The following ABCG2 variants were observed in gnomAD, a reference collection of about 807,000 sequenced individuals.
ABCG2 encodes the protein ATP binding cassette subfamily G member 2 (JR blood group).
A neutral mutation model predicts 73.5 loss-of-function variants in ABCG2; 80 were observed. The observed-to-expected ratio is 1.09, with a 90% CI of 0.91 to 1.31. The LOEUF (loss-of-function observed/expected upper bound fraction) is 1.31. ABCG2 is among the 50% of genes most tolerant of loss of function. The pLI, the probability that ABCG2 is intolerant of heterozygous loss-of-function variation, is 0.00. For missense variants in ABCG2, 796 were observed against 786.2 expected (o/e 1.01, Z -0.15); for synonymous variants, 269 against 282.4 (o/e 0.95, Z 0.48).
At chr4:88,230,422 A>G (rs912507206) in intron 1 of ABCG2, among the ~76,000 whole-genome samples, 7 of 151,324 alleles carry the variant, frequency 4.6e-5, no homozygotes, top group Non-Finnish European at 7.4e-5. Flanking sequence ...CAAAGTGACC[A>G]CCAGCCACAC....
intron 1 of ABCG2, among the ~76,000 whole-genome samples, chr4:88,217,296 G>A (rs1166489521): frequency 6.6e-6 from 1 of 152,198 alleles, no homozygotes; most frequent in African/African-American, 2.4e-5. Flanking sequence ...GGGATACCCT[G>A]CAAGGTTGGG....
chr4:88,162,247 G>C (rs6846742), upstream of ABCG2, among the ~76,000 whole-genome samples: 2,366 of 152,012 alleles, frequency 0.016, 57 homozygotes, highest in African/African-American at 0.053. Context: ...TAGTAACATG[G>C]AATGTCTTTT....
intron 1 of ABCG2, among the ~76,000 whole-genome samples, chr4:88,172,448 C>G (rs997794709): frequency 1.8e-4 from 27 of 151,160 alleles, no homozygotes; most frequent in Admixed American, 7.3e-4. Flanking sequence ...CACAGTGGCA[C>G]CCGCCTGTAA....
chr4:88,174,763 T>C (rs1236253167), intron 1 of ABCG2, among the ~76,000 whole-genome samples: 1 of 152,268 alleles, frequency 6.6e-6, no homozygotes, highest in East Asian at 1.9e-4. Flanking sequence ...TTGGCTTTTG[T>C]TGCAATTGCT....
intron 5 of ABCG2, among the ~76,000 whole-genome samples, chr4:88,122,012 C>A (rs1414047765): frequency 6.6e-6 from 1 of 152,034 alleles, no homozygotes; most frequent in Non-Finnish European, 1.5e-5. Context: ...AAGCCTGATA[C>A]AAAGCACCTC....
At chr4:88,177,168 C>T (rs9631721) in intron 1 of ABCG2, among the ~76,000 whole-genome samples, 1 of 151,790 alleles carries the variant, frequency 6.6e-6, no homozygotes, top group East Asian at 1.9e-4. Context: ...GTCAGGAGAT[C>T]GAGACCATTC....
At chr4:88,217,137 C>A (rs973453145) in intron 1 of ABCG2, among the ~76,000 whole-genome samples, 1 of 151,984 alleles carries the variant, frequency 6.6e-6, no homozygotes, top group South Asian at 2.1e-4. Context: ...CCTTAGTATT[C>A]CATATAATAT....
At chr4:88,111,447 C>T (rs555716120) in intron 9 of ABCG2, among the ~76,000 whole-genome samples, 4 of 152,230 alleles carry the variant, frequency 2.6e-5, no homozygotes, top group Admixed American at 2.0e-4. Context: ...ACTAGGGATA[C>T]AAGCTCTTAG....
chr4:88,125,607 CAAAAAAAAAA>C (rs70957302), intron 5 of ABCG2, among the ~76,000 whole-genome samples: 137 of 34,982 alleles, frequency 3.9e-3, no homozygotes, highest in African/African-American at 0.013. Flanking sequence ...GACTCTGTCT[CAAAAAAAAAA>C]AAAAAAAAAA....
intron 1 of ABCG2, among the ~76,000 whole-genome samples, chr4:88,142,767 T>C (rs1418315070): frequency 6.6e-6 from 1 of 152,040 alleles, no homozygotes; most frequent in Non-Finnish European, 1.5e-5. Flanking sequence ...CACAACATGG[T>C]GAAACCCCAT....
intron 1 of ABCG2, among the ~76,000 whole-genome samples, chr4:88,172,318 C>G (rs961183007): frequency 1.4e-5 from 2 of 146,968 alleles, no homozygotes; most frequent in African/African-American, 5.0e-5. Context: ...ATTGCTGGGC[C>G]TAGTGGCTCA....
intron 6 of ABCG2, 29 bp from the exon 7 acceptor site, chr4:88,118,289 C>A: frequency 2.5e-6 from 4 of 1,606,384 alleles, no homozygotes; most frequent in South Asian, 2.2e-5. Flanking sequence ...AATACTAAGT[C>A]ATTAAATATC....
chr4:88,177,216 C>CA (rs34778170), intron 1 of ABCG2, among the ~76,000 whole-genome samples: 65 of 150,708 alleles, frequency 4.3e-4, no homozygotes, highest in African/African-American at 1.3e-3. Context: ...ACTAAAAATA[C>CA]AAAAAAAAAT....
At chr4:88,149,695 T>C (rs6820121) in intron 1 of ABCG2, among the ~76,000 whole-genome samples, 2,349 of 151,764 alleles carry the variant, frequency 0.015, 55 homozygotes, top group African/African-American at 0.054. Flanking sequence ...CTACTAAAAA[T>C]ACAAAATTAG....
intron 1 of ABCG2, among the ~76,000 whole-genome samples, chr4:88,216,073 C>T (rs565560652): frequency 1.3e-5 from 2 of 152,100 alleles, no homozygotes; most frequent in Non-Finnish European, 2.9e-5. Flanking sequence ...AAGAAGGGGA[C>T]GACTACACTT....
At chr4:88,212,581 C>T (rs1442146338) in intron 1 of ABCG2, among the ~76,000 whole-genome samples, 2 of 152,154 alleles carry the variant, frequency 1.3e-5, no homozygotes, top group African/African-American at 4.8e-5. Flanking sequence ...ACCTAAACCC[C>T]TCTAATAACC....
chr4:88,216,239 T>TTGGC (rs963794902), intron 1 of ABCG2, among the ~76,000 whole-genome samples: 10 of 152,168 alleles, frequency 6.6e-5, no homozygotes, highest in Admixed American at 2.0e-4. Context: ...GGCTACTGGA[T>TTGGC]TGGCTGGCTG....
At chr4:88,103,819 C>A (rs1722602460) in intron 10 of ABCG2, among the ~76,000 whole-genome samples, 2 of 152,202 alleles carry the variant, frequency 1.3e-5, no homozygotes, top group Admixed American at 6.5e-5. Flanking sequence ...TGTGACATTT[C>A]TGTGCTTAGC....
intron 7 of ABCG2, 71 bp from the exon 8 acceptor site, chr4:88,115,129 G>A (rs1241393426): frequency 3.0e-6 from 3 of 1,010,878 alleles, no homozygotes; most frequent in Non-Finnish European, 4.6e-6. Flanking sequence ...ACTTTCAGAG[G>A]GTGAGGGAGG....
Sources: gnomAD v4.1 joint callset for allele counts (sites outside exome capture counted in the v4.1 genomes callset) on GRCh38, gnomAD v4.1.1 for gene constraint, MANE v1.5 for transcripts, NCBI Gene and HGNC (gene_info 2026-07-23, HGNC 2026-07-21) for gene names.